GARNL3: variants seen among roughly 807,000 people sequenced by gnomAD.
The protein encoded by GARNL3 is GTPase activating Rap/RanGAP domain like 3.
In GARNL3, 63 loss-of-function variants were observed where a neutral mutation model predicts 125.0. The observed-to-expected ratio is 0.50, with a 90% CI of 0.41 to 0.62. The LOEUF (loss-of-function observed/expected upper bound fraction) is 0.62. Among genes scored for constraint, GARNL3 ranks in the 20% least tolerant of loss-of-function variants. The pLI is 0.00. For missense variants in GARNL3, 994 were observed against 1,244.0 expected, an observed-to-expected ratio of 0.80 and a Z score of 3.02; for synonymous variants, 439 against 457.5, an observed-to-expected ratio of 0.96 and a Z score of 0.52.
At position 127,393,496 on chromosome 9, in the gene GARNL3, G is replaced by T; in HGVS notation, c.*242G>T. On this transcript the variant is annotated 3_prime_UTR_variant, in exon 28 of 28. Transcript: ENST00000373387. Reference sequence around the variant, plus strand: ...AATAAAGGTGGTAGATTTCATTGAGGTTTTAGATTGAAACTTTGAATAAAT... The same window carrying T: ...AATAAAGGTGGTAGATTTCATTGAGTTTTTAGATTGAAACTTTGAATAAAT... 3.2e-6 allele frequency: 1 copy of T among 312,208 alleles called. No homozygotes were observed. Among genetic ancestry groups the T allele is most frequent in the East Asian group, 5.1e-5 (1 of 19,650 alleles). The allele number at this position is 312,208 out of a possible 1,614,324, so 19.3% of individuals were successfully genotyped here.
chr9:127,273,360 C>G (rs911745512), intron 1 of GARNL3, among the ~76,000 whole-genome samples: 1 of 152,128 alleles, frequency 6.6e-6, no homozygotes, highest in African/African-American at 2.4e-5. Flanking sequence ...GAACAAATAC[C>G]GCTGTCCTTA....
At chr9:127,332,667 A>G (rs1403254971) in intron 8 of GARNL3, among the ~76,000 whole-genome samples, 2 of 152,214 alleles carry the variant, frequency 1.3e-5, no homozygotes, top group Non-Finnish European at 2.9e-5. Flanking sequence ...TATGAGAGGA[A>G]GAATTATAAG....
rs1254842262 is a variant in GARNL3, at chr9:127,390,720, C to T, written c.2823C>T (p.Ser941=). 2.5e-6 allele frequency: 4 copies of T among 1,613,848 alleles called. No individual in the cohort carries two copies. The highest frequency in any genetic ancestry group is 3.4e-6 in the Non-Finnish European group (4 of 1,179,880). ...KSKPRKRLEE[S]QGGPKPGAVR... is the part of the protein sequence containing the mutation. ...AACCCCGGAAGCGGTTAGAAGAAAG[C>T]CAAGGAGGCCCCAAGCCAGGGGCAG... is the stretch of plus-strand genomic sequence containing the variant. Residue 941 remains serine (S), a synonymous_variant, in exon 27 of 28, where the codon AGC becomes AGT. Transcript: ENST00000373387.
Position 127,364,867 on chromosome 9 carries a change from C to T in GARNL3, c.2095-433C>T, listed in dbSNP as rs1011808430. ...CAGTCAAGGGACTTAAGTGACTTCA[C>T]CCTGAGCCTCACTTTCATCTTCTGT... On this transcript the variant is annotated intron_variant, in intron 21 of 27. Transcript: ENST00000373387. The surrounding 1 kb of genome is among the most constrained non-coding windows in gnomAD (Gnocchi z 4.2). The T allele has an allele frequency of 5.9e-6, 1 of 170,748 alleles. No homozygotes were observed. Among genetic ancestry groups the T allele is most frequent in the Non-Finnish European group, 1.2e-5 (1 of 80,210 alleles). 10.6% of individuals were successfully genotyped at this position (170,748 alleles called of 1,614,324 possible).
upstream of GARNL3, among the ~76,000 whole-genome samples, chr9:127,262,330 G>T (rs1298131809): frequency 7.9e-5 from 12 of 152,150 alleles, no homozygotes; most frequent in Admixed American, 7.9e-4. Flanking sequence ...GTTCTTCATG[G>T]TGTGGCCTTC....
At chr9:127,316,380 A>C (rs2065240461) in intron 4 of GARNL3, among the ~76,000 whole-genome samples, 1 of 149,128 alleles carries the variant, frequency 6.7e-6, no homozygotes, top group African/African-American at 2.5e-5. Context: ...TGCCTGCTAC[A>C]AAAAAAAAAT....
chr9:127,247,616 C>G (rs1286874104), intron 2 of GARNL3, among the ~76,000 whole-genome samples: 1 of 152,002 alleles, frequency 6.6e-6, no homozygotes, highest in African/African-American at 2.4e-5. Context: ...TATTTTTTTA[C>G]CTTTTTTTTA....
Position 127,311,729 on chromosome 9 carries a change from G to C in GARNL3, c.313G>C (p.Gly105Arg), listed in dbSNP as rs1475161953. Residue 105 changes from glycine to arginine, a missense_variant, in exon 3 of 28, where the codon GGA (glycine) becomes CGA (arginine). By Grantham distance (125) the Gly-to-Arg change is moderately radical (BLOSUM62 -2). Coordinates refer to ENST00000373387, the MANE Select transcript of GARNL3 (RefSeq NM_032293.5). ...CAGATGGTATTTCAAATATTTTTTA[G>C]GACAAGGTAATTATGCTATTGTGGT... The part of the protein sequence containing the change: ...HTRWYFKYFL[G>R]QVHQNYIGND... The C allele has an allele frequency of 6.2e-7, 1 of 1,601,494 alleles. No homozygotes were observed. The highest frequency in any genetic ancestry group is 8.6e-7 in the Non-Finnish European group (1 of 1,168,636).
At chr9:127,374,337 C>T (rs1831774539) in intron 22 of GARNL3, among the ~76,000 whole-genome samples, 1 of 151,928 alleles carries the variant, frequency 6.6e-6, no homozygotes, top group Non-Finnish European at 1.5e-5. Flanking sequence ...GGAAAGACTC[C>T]TCTCACATCA....
chr9:127,304,400 T>A (rs929221718), intron 2 of GARNL3, among the ~76,000 whole-genome samples: 1 of 152,196 alleles, frequency 6.6e-6, no homozygotes, highest in Non-Finnish European at 1.5e-5. Context: ...GTATCCTCTT[T>A]GGAAAATTTT....
At chr9:127,257,842 C>T (rs919909633) in intron 2 of GARNL3, among the ~76,000 whole-genome samples, 1 of 152,140 alleles carries the variant, frequency 6.6e-6, no homozygotes, top group Non-Finnish European at 1.5e-5. Flanking sequence ...TATGAAGTGG[C>T]CTGTTATGAA....
chr9:127,373,036 G>C (rs1831692822), intron 22 of GARNL3, among the ~76,000 whole-genome samples: 1 of 152,206 alleles, frequency 6.6e-6, no homozygotes, highest in African/African-American at 2.4e-5. Flanking sequence ...TTGTGAGCCT[G>C]ATGTCATTCA....
intron 22 of GARNL3, among the ~76,000 whole-genome samples, chr9:127,381,415 G>A (rs1317581739): frequency 1.3e-5 from 2 of 151,814 alleles, no homozygotes; most frequent in African/African-American, 2.4e-5. Flanking sequence ...TAAAATGTAG[G>A]TGGGGACATT....
intron 1 of GARNL3, among the ~76,000 whole-genome samples, chr9:127,281,654 C>T (rs965828518): frequency 1.3e-5 from 2 of 152,220 alleles, no homozygotes; most frequent in African/African-American, 4.8e-5. Flanking sequence ...TCTCCCTTGC[C>T]TTTCCCTGCA....
exon 2 of GARNL3, chr9:127,243,148 A>C (rs764661417): frequency 2.9e-6 from 4 of 1,365,972 alleles, no homozygotes. Context: ...GTCAGATAGC[A>C]CAAACCATTC....
intron 4 of GARNL3, among the ~76,000 whole-genome samples, chr9:127,317,018 T>G (rs891860833): frequency 2.6e-5 from 4 of 152,238 alleles, no homozygotes; most frequent in African/African-American, 9.6e-5. Context: ...GTTTTAAATG[T>G]GTGGTATATG....
At position 127,333,062 on chromosome 9, in the gene GARNL3, T is replaced by G; in HGVS notation, c.710T>G (p.Leu237Arg). The G allele has an allele frequency of 1.9e-6, 3 of 1,614,112 alleles. No homozygotes were observed. The highest frequency in any genetic ancestry group is 2.5e-6 in the Non-Finnish European group (3 of 1,179,952). Residue 237 changes from leucine (L) to arginine (R), a missense_variant, in exon 9 of 28, where the codon CTG becomes CGG. By Grantham distance (102) the Leu-to-Arg change is moderately radical. Transcript: ENST00000373387. ...SEPFQKFLNL[L>R]GDTITLKGWT... is the part of the protein sequence containing the mutation. ...CCTTTTCAAAAATTTTTAAATCTTCTGGGTGACACAATCACTCTAAAGGGC... is the reference window on the plus strand; with the variant it reads ...CCTTTTCAAAAATTTTTAAATCTTCGGGGTGACACAATCACTCTAAAGGGC...
At chr9:127,249,717 A>G (rs1164259741) in intron 2 of GARNL3, among the ~76,000 whole-genome samples, 1 of 152,092 alleles carries the variant, frequency 6.6e-6, no homozygotes, top group Admixed American at 6.6e-5. Flanking sequence ...ATAAGAAAGA[A>G]TACAAGAGGC....
At chr9:127,340,307 C>G (rs1829795219) in intron 13 of GARNL3, among the ~76,000 whole-genome samples, 1 of 152,144 alleles carries the variant, frequency 6.6e-6, no homozygotes, top group Non-Finnish European at 1.5e-5. Flanking sequence ...CCCAAATACC[C>G]GACTCTGAGG....
Sources: gnomAD v4.1 joint callset for allele counts (sites outside exome capture counted in the v4.1 genomes callset) on GRCh38, gnomAD v4.1.1 for gene constraint, Gnocchi (gnomAD v3.1) non-coding constraint, MANE v1.5 for transcripts, NCBI Gene and HGNC (gene_info 2026-07-23, HGNC 2026-07-21) for gene names.